The following COL4A1 variants were observed in gnomAD, a reference collection of about 807,000 sequenced individuals.
COL4A1 encodes the protein collagen alpha-1(IV) chain.
COL4A1 carries 40 observed loss-of-function variants against 216.6 expected under a neutral mutation model. The ratio of observed to expected loss-of-function variants is 0.18; its 90% CI spans 0.14 to 0.24. The LOEUF (loss-of-function observed/expected upper bound fraction) is 0.24, where lower values mean the gene tolerates loss of function less well. Ranked by LOEUF, COL4A1 falls within the 10% of genes least tolerant of loss-of-function variation. The pLI is 1.00. For synonymous variants in COL4A1, 839 were observed against 810.7 expected (o/e 1.03, Z -0.59); for missense variants, 1,628 against 2,196.8 (o/e 0.74, Z 5.18).
chr13:110,156,002 G>T (rs868057222), intron 49 of COL4A1, among the ~76,000 whole-genome samples: 2 of 152,204 alleles, frequency 1.3e-5, no homozygotes, highest in African/African-American at 4.8e-5. Flanking sequence ...GTTCAAGGCT[G>T]CAGGGAGCTA....
intron 1 of COL4A1, among the ~76,000 whole-genome samples, chr13:110,267,373 G>C (rs571307172): frequency 1.3e-5 from 2 of 152,294 alleles, no homozygotes; most frequent in East Asian, 3.9e-4. Flanking sequence ...AAAGATGAAC[G>C]TGTTTTTTCT....
intron 2 of COL4A1, among the ~76,000 whole-genome samples, chr13:110,232,046 T>C (rs1881088565): frequency 6.6e-6 from 1 of 152,248 alleles, no homozygotes; most frequent in Non-Finnish European, 1.5e-5. Context: ...CTTTAACCCT[T>C]CTGATTTCAC....
At position 110,203,649 on chromosome 13, in the gene COL4A1, A is replaced by G. The variant is rs749828085; in HGVS notation, c.958-42T>C. The G allele has an allele frequency of 5.0e-6, 8 of 1,586,308 alleles. No individual in the cohort carries two copies. In the East Asian group the frequency reaches 8.9e-5, roughly 18 times the overall value. The stretch of plus-strand genomic sequence containing the variant: ...AACTTTCCTTGCATATTCTTACTAT[A>G]AAGATTGTCTTGCAGAAAGCAGATT... On this transcript the variant is annotated intron_variant, in intron 17 of 51. Transcript: ENST00000375820.
rs1000989 is a variant in COL4A1, at chr13:110,174,956, T to C, written c.3199-207A>G. On this transcript the variant is annotated intron_variant, in intron 37 of 51. Coordinates refer to ENST00000375820, the MANE Select transcript of COL4A1 (RefSeq NM_001845.6). The stretch of plus-strand genomic sequence containing the variant: ...TAGAGCCAACCATCTGGTTTCTACC[T>C]GCCATTCCTCTTCGTCCTCCATCCT... Among the ~76,000 whole-genome samples, 51,616 of 152,088 alleles carry C rather than the reference T, an allele frequency of 0.34. 8,841 individuals are homozygous for C. Among genetic ancestry groups the C allele is most frequent in the Non-Finnish European group, 0.37 (25,091 of 67,952 alleles).
intron 1 of COL4A1, among the ~76,000 whole-genome samples, chr13:110,278,157 G>A (rs1374483770): frequency 1.3e-5 from 2 of 152,186 alleles, no homozygotes; most frequent in Non-Finnish European, 2.9e-5. Context: ...TGGCAGATGG[G>A]TATAAATGAT....
At chr13:110,165,501 T>A (rs35185062) in intron 45 of COL4A1, among the ~76,000 whole-genome samples, 1 of 151,422 alleles carries the variant, frequency 6.6e-6, no homozygotes, top group Non-Finnish European at 1.5e-5. Flanking sequence ...AAAGTGCGAG[T>A]TCCCCTCAGC....
At chr13:110,296,197 C>T (rs1466560615) in intron 1 of COL4A1, among the ~76,000 whole-genome samples, 12 of 152,230 alleles carry the variant, frequency 7.9e-5, no homozygotes, top group Middle Eastern at 3.2e-3. Flanking sequence ...ACCACCTACG[C>T]GAAACCACGG....
chr13:110,152,536 A>C (rs1876555595), intron 50 of COL4A1, 30 bp from the exon 51 acceptor site: 2 of 1,595,570 alleles, frequency 1.3e-6, no homozygotes, highest in Admixed American at 1.7e-5. Context: ...CGTGAGTCAG[A>C]GGTTCCCTCC....
intron 24 of COL4A1, among the ~76,000 whole-genome samples, chr13:110,187,744 C>T (rs563212952): frequency 2.6e-5 from 4 of 152,292 alleles, no homozygotes; most frequent in South Asian, 2.1e-4. Context: ...AAAGAACAAT[C>T]GCTGTCCTCA....
rs1878240097 is a variant in COL4A1 at position 110,182,932 on chromosome 13, T to C, written c.2095+61A>G. ...CTGTGGTGTTTTGATGTCTACCACC[T>C]CCTCTTTTCTCACAGAAGTCACAGG... On this transcript the variant is annotated intron_variant, in intron 28 of 51. Coordinates refer to ENST00000375820, the MANE Select transcript of COL4A1 (RefSeq NM_001845.6). The C allele has an allele frequency of 2.7e-6, 4 of 1,485,246 alleles. No individual in the cohort carries two copies. In the South Asian group the frequency reaches 4.8e-5, roughly 18 times the overall value. The allele number at this position is 1,485,246 out of a possible 1,614,324, so 92.0% of individuals were successfully genotyped here.
At chr13:110,218,990 C>A (rs763994080) in intron 2 of COL4A1, among the ~76,000 whole-genome samples, 8 of 152,158 alleles carry the variant, frequency 5.3e-5, no homozygotes, top group Non-Finnish European at 1.2e-4. Flanking sequence ...CTCCTTGAGC[C>A]CAACCACCAT....
rs71127925 is a variant in COL4A1, at chr13:110,252,639, C to CAG, written c.85-9906_85-9905insCT. Reference sequence around the variant, plus strand: ...TGTATAATTGTATATATTATATATACTTATATACAAAATGTATATATGTAT... The same window carrying CAG: ...TGTATAATTGTATATATTATATATACAGTTATATACAAAATGTATATATGTAT... On this transcript the variant is annotated intron_variant, in intron 1 of 51. Coordinates refer to ENST00000375820, the MANE Select transcript of COL4A1 (RefSeq NM_001845.6). 3.0e-4 allele frequency among the ~76,000 whole-genome samples: 29 copies of CAG among 98,186 alleles called. 6 individuals carry two copies. The highest frequency in any genetic ancestry group is 4.9e-4 in the Admixed American group (4 of 8,176). 64.4% of individuals were successfully genotyped at this position (98,186 alleles called of 152,430 possible). A position where few individuals can be genotyped will look rare whatever the true frequency, so the allele number is the denominator to read the frequency against.
rs921552159 is a variant in COL4A1 at position 110,149,883 on chromosome 13, G to T, written c.*480C>A. ...ACTGAGTCTGTAATTCCATTTGGAG[G>T]TTCAAAAAACCATTTTTACATTGCT... On this transcript the variant is annotated 3_prime_UTR_variant, in exon 52 of 52. Transcript: ENST00000375820. The T allele has an allele frequency of 5.3e-6, 1 of 187,116 alleles. No individual in the cohort carries two copies. The highest frequency in any genetic ancestry group is 9.6e-5 in the South Asian group (1 of 10,408). The allele number at this position is 187,116 out of a possible 1,614,324, so 11.6% of individuals were successfully genotyped here.
At chr13:110,249,469 C>A (rs775568656) in intron 1 of COL4A1, among the ~76,000 whole-genome samples, 1 of 152,124 alleles carries the variant, frequency 6.6e-6, no homozygotes, top group Non-Finnish European at 1.5e-5. Context: ...CACACCAGGG[C>A]AGGCCAGCTA....
intron 1 of COL4A1, among the ~76,000 whole-genome samples, chr13:110,279,075 C>T (rs1263111023): frequency 2.6e-5 from 4 of 152,108 alleles, no homozygotes; most frequent in Non-Finnish European, 5.9e-5. Context: ...TGAAGTGTTT[C>T]GAGTCGGCCA....
intron 1 of COL4A1, among the ~76,000 whole-genome samples, chr13:110,271,614 C>T (rs552829448): frequency 1.3e-4 from 20 of 152,302 alleles, no homozygotes; most frequent in Admixed American, 1.2e-3. Context: ...CCCTGACCCA[C>T]ATACACACAG....
chr13:110,219,690 G>A (rs866403003), intron 2 of COL4A1, among the ~76,000 whole-genome samples: 2 of 135,090 alleles, frequency 1.5e-5, no homozygotes, highest in Admixed American at 7.7e-5. Flanking sequence ...GTATATATAT[G>A]TATATATATG....
chr13:110,183,376 C>T, intron 26 of COL4A1, 100 bp from the exon 27 acceptor site: 2 of 1,102,796 alleles, frequency 1.8e-6, no homozygotes, highest in South Asian at 2.7e-5. Context: ...ACATCCTACC[C>T]AGCACCACGA....
chr13:110,231,726 C>G (rs767505423), intron 2 of COL4A1, among the ~76,000 whole-genome samples: 31 of 152,176 alleles, frequency 2.0e-4, no homozygotes, highest in Non-Finnish European at 4.0e-4. Flanking sequence ...TTCTCCAGCT[C>G]AAGGAATTTA....
Sources: gnomAD v4.1 joint callset for allele counts (sites outside exome capture counted in the v4.1 genomes callset) on GRCh38, gnomAD v4.1.1 for gene constraint, MANE v1.5 for transcripts, NCBI Gene and HGNC (gene_info 2026-07-23, HGNC 2026-07-21) for gene names.